Variants in NSUN3 observed in about 807,000 individuals in gnomAD.
NSUN3 encodes the protein NOP2/Sun RNA methyltransferase 3.
In NSUN3, 24 loss-of-function variants were observed where a neutral mutation model predicts 36.8. The ratio of observed to expected loss-of-function variants is 0.65; its 90% CI spans 0.47 to 0.92. The LOEUF (loss-of-function observed/expected upper bound fraction) is 0.92, where lower values mean the gene tolerates loss of function less well. NSUN3 is among the 40% of genes least tolerant of loss of function. The probability of loss-of-function intolerance (pLI) is 0.00; values close to 1 mark genes in which losing one functional copy is unlikely to be tolerated. For missense variants in NSUN3, 381 were observed against 392.8 expected, an observed-to-expected ratio of 0.97 and a Z score of 0.25; for synonymous variants, 146 against 145.2, an observed-to-expected ratio of 1.01 and a Z score of -0.04.
chr3:94,076,614 G>C (rs1438255540), intron 2 of NSUN3: 2 of 922,716 alleles, frequency 2.2e-6, no homozygotes, highest in Non-Finnish European at 3.6e-6. Context: ...TGCCCACTGA[G>C]ATTTGGCCAA....
Position 94,130,289 on chromosome 3 carries a change from AT to A in NSUN3, c.*3804del, listed in dbSNP as rs1319972554. On this transcript the variant is annotated 3_prime_UTR_variant, in exon 6 of 6. Transcript: ENST00000314622. ...TGCCTCTTGTAGATCCAGCTTTAAC[AT>A]TTTTATGACATCCTAGTAATAGCAG... Among the ~76,000 whole-genome samples, 2 of 152,154 alleles carry A rather than the reference AT, an allele frequency of 1.3e-5. No individual in the cohort carries two copies. Among genetic ancestry groups the A allele is most frequent in the Non-Finnish European group, 1.5e-5 (1 of 68,034 alleles).
intron 5 of NSUN3, among the ~76,000 whole-genome samples, chr3:94,108,011 CTA>C (rs1182676991): frequency 8.3e-6 from 1 of 119,852 alleles, no homozygotes; most frequent in Non-Finnish European, 1.7e-5. Context: ...CCTCTGGCCT[CTA>C]TCATTTCCAT....
At chr3:94,117,135 G>GT in intron 5 of NSUN3, among the ~76,000 whole-genome samples, 1 of 151,638 alleles carries the variant, frequency 6.6e-6, no homozygotes, top group South Asian at 2.1e-4. Context: ...AGTGGCTGGG[G>GT]TTATAGGCGC....
rs1353850056 is a variant in NSUN3 at position 94,128,393 on chromosome 3, T to C, written c.*1903T>C. On this transcript the variant is annotated 3_prime_UTR_variant, in exon 6 of 6. Coordinates refer to ENST00000314622, the MANE Select transcript of NSUN3 (RefSeq NM_022072.5). ...TTTTTATCTTCAGACACTATAGGTT[T>C]TAAAAATAGGTTTCTTTTATGTAGG... is the stretch of plus-strand genomic sequence containing the variant. 6.6e-6 allele frequency: 1 copy of C among 152,008 alleles called. No homozygotes were observed. Among genetic ancestry groups the C allele is most frequent in the African/African-American group, 2.4e-5 (1 of 41,400 alleles). The allele number at this position is 152,008 out of a possible 1,614,324, so 9.4% of individuals were successfully genotyped here.
chr3:94,067,114 C>T (rs940906427), intron 2 of NSUN3, among the ~76,000 whole-genome samples: 1 of 152,160 alleles, frequency 6.6e-6, no homozygotes, highest in Admixed American at 6.5e-5. Context: ...TGACTAAAAG[C>T]TGTATGGACA....
intron 3 of NSUN3, among the ~76,000 whole-genome samples, chr3:94,087,751 G>A (rs939542146): frequency 1.3e-5 from 2 of 152,112 alleles, no homozygotes; most frequent in East Asian, 1.9e-4. Flanking sequence ...GCTCACTGCA[G>A]CCTTGACTTC....
intron 5 of NSUN3, among the ~76,000 whole-genome samples, chr3:94,124,203 A>G (rs1333702491): frequency 8.5e-6 from 1 of 117,130 alleles, no homozygotes; most frequent in African/African-American, 3.4e-5. Flanking sequence ...CCCAGGCTGG[A>G]GTGAAGTGGT....
chr3:94,070,394 G>A (rs1459327538), intron 2 of NSUN3, among the ~76,000 whole-genome samples: 1 of 152,118 alleles, frequency 6.6e-6, no homozygotes, highest in Non-Finnish European at 1.5e-5. Context: ...CCAGGAGGTC[G>A]AGGCTTCACT....
At chr3:94,123,326 T>C (rs1560042830) in intron 5 of NSUN3, among the ~76,000 whole-genome samples, 1 of 152,208 alleles carries the variant, frequency 6.6e-6, no homozygotes, top group African/African-American at 2.4e-5. Flanking sequence ...TTTACTAGAA[T>C]TAAAATTTCG....
intron 5 of NSUN3, among the ~76,000 whole-genome samples, chr3:94,096,656 G>C (rs2077341854): frequency 6.6e-6 from 1 of 152,052 alleles, no homozygotes; most frequent in South Asian, 2.1e-4. Flanking sequence ...CCACAACCAT[G>C]CCTGGCTAAT....
At chr3:94,112,676 T>C (rs2077422680) in intron 5 of NSUN3, among the ~76,000 whole-genome samples, 1 of 152,172 alleles carries the variant, frequency 6.6e-6, no homozygotes, top group Non-Finnish European at 1.5e-5. Flanking sequence ...TCACATCTCA[T>C]GGATCAGACG....
At chr3:94,118,182 C>T (rs1374989226) in intron 5 of NSUN3, among the ~76,000 whole-genome samples, 1 of 152,064 alleles carries the variant, frequency 6.6e-6, no homozygotes, top group Non-Finnish European at 1.5e-5. Flanking sequence ...ACATTGTAAA[C>T]ATGTATCAAA....
chr3:94,068,827 T>G (rs2077215022), intron 2 of NSUN3, among the ~76,000 whole-genome samples: 1 of 150,002 alleles, frequency 6.7e-6, no homozygotes. Context: ...CACAACCTGA[T>G]AATATTACCA....
rs765243909 is a variant in NSUN3, at chr3:94,064,546, G to A, written c.122G>A (p.Arg41Lys). 2 of 1,547,244 alleles carry A rather than the reference G, an allele frequency of 1.3e-6. No individual in the cohort carries two copies. The highest frequency in any genetic ancestry group is 1.8e-6 in the Non-Finnish European group (2 of 1,119,486). The change falls in exon 2 of 6, where the codon AGG becomes AAG. Residue 41 changes from arginine to lysine, a missense_variant and splice_region_variant. Physicochemically the swap from Arg to Lys is conservative, Grantham distance 26. Transcript: ENST00000314622. Reference sequence around the variant, plus strand: ...CTCGGAGATGCCTGGAATACAGTAAGGTTAGTATAATTCATCTCGATGCTT... The same window carrying A: ...CTCGGAGATGCCTGGAATACAGTAAAGTTAGTATAATTCATCTCGATGCTT... ...KELGDAWNTV[R>K]EILTSPSCWQ...
At chr3:94,066,542 T>G (rs2077204722) in intron 2 of NSUN3, among the ~76,000 whole-genome samples, 1 of 152,190 alleles carries the variant, frequency 6.6e-6, no homozygotes, top group Admixed American at 6.5e-5. Context: ...GTATTTAGTT[T>G]TGCTCTTTTT....
intron 5 of NSUN3, among the ~76,000 whole-genome samples, chr3:94,123,655 G>C (rs867719942): frequency 6.6e-6 from 1 of 151,966 alleles, no homozygotes; most frequent in African/African-American, 2.4e-5. Context: ...CTGTCACCTC[G>C]TCTCAGATTA....
chr3:94,097,378 C>T (rs1016774927), intron 5 of NSUN3, among the ~76,000 whole-genome samples: 10 of 150,594 alleles, frequency 6.6e-5, no homozygotes, highest in Non-Finnish European at 1.3e-4. Flanking sequence ...TTTTTTTTAA[C>T]CAAATATTTC....
At chr3:94,113,125 A>C (rs986202554) in intron 5 of NSUN3, among the ~76,000 whole-genome samples, 1 of 152,072 alleles carries the variant, frequency 6.6e-6, no homozygotes, top group Non-Finnish European at 1.5e-5. Flanking sequence ...CAGCCTCCCA[A>C]AGTGCTGGGA....
chr3:94,126,515 G>A lies in NSUN3; in HGVS notation c.*25G>A, dbSNP rs753472918. ...ACATGAATTTGTAAACTGTGTTTAT[G>A]TGTTATTATATTTATATTTCTGAAC... On this transcript the variant is annotated 3_prime_UTR_variant, in exon 6 of 6. Coordinates refer to ENST00000314622, the MANE Select transcript of NSUN3 (RefSeq NM_022072.5). 2 of 1,583,476 alleles carry A rather than the reference G, an allele frequency of 1.3e-6. No homozygotes were observed. Among genetic ancestry groups the A allele is most frequent in the African/African-American group, 1.4e-5 (1 of 73,620 alleles).
Sources: gnomAD v4.1 joint callset for allele counts (sites outside exome capture counted in the v4.1 genomes callset) on GRCh38, gnomAD v4.1.1 for gene constraint, MANE v1.5 for transcripts, NCBI Gene and HGNC (gene_info 2026-07-23, HGNC 2026-07-21) for gene names.